The following TENM2 variants were observed in gnomAD, a reference collection of about 807,000 sequenced individuals.
TENM2 encodes the protein teneurin-2.
TENM2 carries 52 observed loss-of-function variants against 245.2 expected under a neutral mutation model. The ratio of observed to expected loss-of-function variants is 0.21; its 90% CI spans 0.17 to 0.27. TENM2 has a LOEUF of 0.27. TENM2 is among the 10% of genes least tolerant of loss of function. The pLI is 1.00. For missense variants in TENM2, 3,046 were observed against 3,666.8 expected (o/e 0.83, Z 4.37); for synonymous variants, 1,363 against 1,438.9 (o/e 0.95, Z 1.19).
intron 1 of TENM2, 145 bp downstream of exon 3, chr5:167,285,208 C>T (rs542729170): frequency 6.6e-5 from 42 of 636,240 alleles, no homozygotes; most frequent in South Asian, 6.4e-4. Flanking sequence ...AAGGACATTC[C>T]TAACAACATG....
At chr5:168,004,155 T>G (rs942438591) in intron 5 of TENM2, among the ~76,000 whole-genome samples, 5 of 152,194 alleles carry the variant, frequency 3.3e-5, no homozygotes, top group Non-Finnish European at 7.3e-5. Flanking sequence ...TTTAATCAAG[T>G]GAGGGCATTC....
the TENM2 span, among the ~76,000 whole-genome samples, chr5:167,200,310 A>G: frequency 6.6e-6 from 1 of 152,108 alleles, no homozygotes; most frequent in Admixed American, 6.6e-5. Context: ...AGCATGAGGG[A>G]CCACTCCATA....
chr5:167,614,532 G>A (rs1486658023), intron 2 of TENM2, among the ~76,000 whole-genome samples: 4 of 152,102 alleles, frequency 2.6e-5, no homozygotes, highest in Non-Finnish European at 4.4e-5. Flanking sequence ...GTAAAGTAGT[G>A]TGGTCTGTTA....
At chr5:168,201,797 C>A (rs1284537927) in intron 17 of TENM2, among the ~76,000 whole-genome samples, 1 of 152,008 alleles carries the variant, frequency 6.6e-6, no homozygotes, top group Non-Finnish European at 1.5e-5. Context: ...TCTCTCTAAC[C>A]TTTATAATTT....
chr5:168,046,664 G>A (rs1222886508), intron 5 of TENM2, among the ~76,000 whole-genome samples: 4 of 152,068 alleles, frequency 2.6e-5, no homozygotes, highest in Non-Finnish European at 5.9e-5. Flanking sequence ...CAGTTCCTTA[G>A]CAAAGAACAG....
In TENM2 at chr5:168,247,322, A is replaced by G; in HGVS notation, c.6383A>G (p.His2128Arg). Residue 2128 changes from histidine to arginine, a missense_variant, in exon 27 of 29, where the codon CAC becomes CGC. Physicochemically the swap from His to Arg is conservative, Grantham distance 29. Coordinates refer to ENST00000518659, the Ensembl canonical transcript of TENM2. The surrounding 1 kb of genome is among the most constrained non-coding windows in gnomAD (Gnocchi z 7.8). ...GATGAGATTTCTGGCAAGGTGGAAC[A>G]CTTTGGTAAGTTTGGAGTCATCTAT... The G allele has an allele frequency of 1.2e-6, 2 of 1,613,984 alleles. No homozygotes were observed. The highest frequency in any genetic ancestry group is 1.7e-6 in the Non-Finnish European group (2 of 1,179,898).
intron 2 of TENM2, among the ~76,000 whole-genome samples, chr5:167,621,220 A>G (rs1263859317): frequency 5.9e-5 from 9 of 152,192 alleles, no homozygotes; most frequent in African/African-American, 2.2e-4. Flanking sequence ...TACCTAAATG[A>G]ATGAATAAGA....
At chr5:167,845,913 G>C (rs367742652) in intron 2 of TENM2, among the ~76,000 whole-genome samples, 1 of 152,236 alleles carries the variant, frequency 6.6e-6, no homozygotes, top group East Asian at 1.9e-4. Flanking sequence ...TGGCCCGACT[G>C]CTCCTACAGT....
At chr5:167,413,713 T>C (rs1485775905) in intron 2 of TENM2, among the ~76,000 whole-genome samples, 1 of 152,102 alleles carries the variant, frequency 6.6e-6, no homozygotes, top group Admixed American at 6.6e-5. Context: ...TATAAAATCA[T>C]AAAACTTTCA....
At chr5:167,852,175 G>C (rs1770640688) in intron 2 of TENM2, among the ~76,000 whole-genome samples, 1 of 152,174 alleles carries the variant, frequency 6.6e-6, no homozygotes, top group African/African-American at 2.4e-5. Context: ...ACGTTTGTAA[G>C]GTTTTCCAAG....
chr5:167,261,272 G>A, the TENM2 span, among the ~76,000 whole-genome samples: 1 of 152,076 alleles, frequency 6.6e-6, no homozygotes, highest in African/African-American at 2.4e-5. Context: ...CAGAGGTTAT[G>A]TCTTGTTCCC....
the TENM2 span, among the ~76,000 whole-genome samples, chr5:167,123,698 A>C: frequency 6.6e-6 from 1 of 152,208 alleles, no homozygotes; most frequent in Non-Finnish European, 1.5e-5. Context: ...ATTGCATTTC[A>C]TAATCTCCCA....
chr5:167,100,451 C>T, the TENM2 span, among the ~76,000 whole-genome samples: 14 of 152,208 alleles, frequency 9.2e-5, no homozygotes, highest in African/African-American at 3.4e-4. Context: ...CTGAAGTCAC[C>T]ATTTCCCTCC....
At chr5:167,967,433 TC>T (rs1456492937) in intron 4 of TENM2, among the ~76,000 whole-genome samples, 1 of 152,146 alleles carries the variant, frequency 6.6e-6, no homozygotes, top group Non-Finnish European at 1.5e-5. Context: ...AAGCATTACA[TC>T]TTATTCAAGA....
At chr5:167,013,275 G>GTCCT in the TENM2 span, among the ~76,000 whole-genome samples, 1 of 152,206 alleles carries the variant, frequency 6.6e-6, no homozygotes, top group African/African-American at 2.4e-5. Flanking sequence ...AACTTTCAAT[G>GTCCT]TCCTTGACTT....
intron 1 of TENM2, among the ~76,000 whole-genome samples, chr5:167,301,693 A>C (rs1484231764): frequency 6.6e-6 from 1 of 152,224 alleles, no homozygotes; most frequent in African/African-American, 2.4e-5. Flanking sequence ...GGTTGCTGCC[A>C]AACGAGCCAT....
At chr5:168,238,390 A>T (rs1765802945) in intron 25 of TENM2, among the ~76,000 whole-genome samples, 1 of 152,142 alleles carries the variant, frequency 6.6e-6, no homozygotes, top group Admixed American at 6.5e-5. Flanking sequence ...TAAACTCTCC[A>T]AGGCAAACTC....
intron 2 of TENM2, among the ~76,000 whole-genome samples, chr5:167,828,569 G>T (rs1258354430): frequency 1.3e-5 from 2 of 152,070 alleles, no homozygotes; most frequent in Non-Finnish European, 2.9e-5. Context: ...TGTTTAATGA[G>T]TCCTTGAACT....
At chr5:167,026,381 A>G in the TENM2 span, among the ~76,000 whole-genome samples, 1 of 152,200 alleles carries the variant, frequency 6.6e-6, no homozygotes, top group Non-Finnish European at 1.5e-5. Flanking sequence ...GCTGAATTGA[A>G]GCTATTCCCT....
Sources: gnomAD v4.1 joint callset for allele counts (sites outside exome capture counted in the v4.1 genomes callset) on GRCh38, gnomAD v4.1.1 for gene constraint, Gnocchi (gnomAD v3.1) non-coding constraint, MANE v1.5 for transcripts, NCBI Gene and HGNC (gene_info 2026-07-23, HGNC 2026-07-21) for gene names.